The following LY6S variants were observed in gnomAD, a reference collection of about 807,000 sequenced individuals.
The protein encoded by LY6S is lymphocyte antigen 6S.
the LY6S span, among the ~76,000 whole-genome samples, chr8:143,052,846 T>C: frequency 6.6e-5 from 10 of 152,194 alleles, no homozygotes; most frequent in African/African-American, 2.4e-4. Context: ...ATACAAACGG[T>C]CCCCAAAGCG....
chr8:143,064,748 C>A, the LY6S span, among the ~76,000 whole-genome samples: 4 of 152,222 alleles, frequency 2.6e-5, no homozygotes, highest in African/African-American at 4.8e-5. Context: ...ACATAGTATA[C>A]AGGTTAGCTA....
chr8:143,042,988 C>T, the LY6S span: 1 of 1,366,964 alleles, frequency 7.3e-7, no homozygotes, highest in African/African-American at 1.5e-5. Context: ...TGGCCACATC[C>T]TTCCCCTGAT....
chr8:143,056,336 G>A, the LY6S span, among the ~76,000 whole-genome samples: 1 of 151,162 alleles, frequency 6.6e-6, no homozygotes. Context: ...GACTTATGAT[G>A]TCAATTTCTG....
the LY6S span, among the ~76,000 whole-genome samples, chr8:143,045,241 C>A: frequency 1.3e-5 from 2 of 152,152 alleles, no homozygotes; most frequent in Non-Finnish European, 2.9e-5. This position sits in a 1 kb window ranked among gnomAD's most constrained non-coding sequence, Gnocchi z 5.3. Context: ...AGCAGGAGTG[C>A]GCTGGAACAA....
At chr8:143,043,541 GTT>G in the LY6S span, among the ~76,000 whole-genome samples, 1 of 152,180 alleles carries the variant, frequency 6.6e-6, no homozygotes, top group Non-Finnish European at 1.5e-5. Context: ...GGGCAGCAGG[GTT>G]TGAGTTCTTT....
chr8:143,054,058 G>A, the LY6S span: 2 of 152,252 alleles, frequency 1.3e-5, no homozygotes, highest in Non-Finnish European at 1.5e-5. Context: ...TGTAATCCCA[G>A]AACTTTGGGA....
chr8:143,050,875 C>T, the LY6S span, among the ~76,000 whole-genome samples: 1 of 152,220 alleles, frequency 6.6e-6, no homozygotes, highest in Non-Finnish European at 1.5e-5. Context: ...CCACCTAATA[C>T]CTCGGCGCAA....
At chr8:143,050,427 C>T in the LY6S span, among the ~76,000 whole-genome samples, 1 of 152,160 alleles carries the variant, frequency 6.6e-6, no homozygotes, top group South Asian at 2.1e-4. Flanking sequence ...GTGACCCACC[C>T]GTCTCAGCCT....
chr8:143,065,877 G>T, the LY6S span: 1 of 165,230 alleles, frequency 6.1e-6, no homozygotes, highest in Admixed American at 6.7e-5. Context: ...TTTTCCTCCC[G>T]AGAATAGTCT....
the LY6S span, among the ~76,000 whole-genome samples, chr8:143,055,513 A>C: frequency 6.6e-6 from 1 of 152,212 alleles, no homozygotes; most frequent in Non-Finnish European, 1.5e-5. Context: ...TCATTCTTTT[A>C]AAAAACCTTG....
At chr8:143,051,721 C>G in the LY6S span, among the ~76,000 whole-genome samples, 1 of 152,074 alleles carries the variant, frequency 6.6e-6, no homozygotes, top group Non-Finnish European at 1.5e-5. Context: ...CCTGTAATCC[C>G]AGCACTTTGG....
chr8:143,051,370 G>C, the LY6S span, among the ~76,000 whole-genome samples: 1 of 152,002 alleles, frequency 6.6e-6, no homozygotes, highest in African/African-American at 2.4e-5. Flanking sequence ...GTGAAACCCC[G>C]TCTCTACTAA....
the LY6S span, among the ~76,000 whole-genome samples, chr8:143,073,752 T>C: frequency 6.7e-6 from 1 of 149,216 alleles, no homozygotes; most frequent in African/African-American, 2.5e-5. Context: ...GATTCCTGTT[T>C]GAGGAGACAG....
At chr8:143,070,765 G>A in the LY6S span, among the ~76,000 whole-genome samples, 2 of 151,842 alleles carry the variant, frequency 1.3e-5, no homozygotes, top group African/African-American at 4.8e-5. Context: ...GATTACAGGC[G>A]TGAGCCACCG....
At chr8:143,044,632 T>A in the LY6S span, 1 of 1,332,422 alleles carries the variant, frequency 7.5e-7, no homozygotes, top group Non-Finnish European at 9.9e-7. Context: ...ATCTAAGAAG[T>A]GCCCCTCCCT....
the LY6S span, among the ~76,000 whole-genome samples, chr8:143,065,402 C>T: frequency 6.6e-6 from 1 of 152,194 alleles, no homozygotes; most frequent in South Asian, 2.1e-4. Context: ...GTTATGCAGC[C>T]ACATACATGC....
chr8:143,053,872 T>G, the LY6S span: 1 of 152,202 alleles, frequency 6.6e-6, no homozygotes, highest in Non-Finnish European at 1.5e-5. Flanking sequence ...CGCTCTATCC[T>G]GTTCCCTGAC....
At chr8:143,071,929 A>G in the LY6S span, among the ~76,000 whole-genome samples, 1 of 152,126 alleles carries the variant, frequency 6.6e-6, no homozygotes, top group African/African-American at 2.4e-5. Context: ...TTACAACAGA[A>G]AATCCAGCAC....
the LY6S span, chr8:143,043,136 G>C: frequency 3.7e-6 from 5 of 1,367,572 alleles, no homozygotes; most frequent in Non-Finnish European, 4.9e-6. Context: ...GCAGGGCCCA[G>C]AGGAAGACTG....
Sources: allele counts gnomAD v4.1 joint callset (sites outside exome capture counted in the v4.1 genomes callset), GRCh38; gene constraint gnomAD v4.1.1; non-coding constraint Gnocchi (gnomAD v3.1); transcripts MANE v1.5; gene names NCBI Gene and HGNC (gene_info 2026-07-23, HGNC 2026-07-21).